The following CNTNAP2 variants were observed in gnomAD, a reference collection of about 807,000 sequenced individuals.
CNTNAP2 encodes the protein contactin associated protein 2, also known as contactin-associated protein-like 2.
A neutral mutation model predicts 155.2 loss-of-function variants in CNTNAP2; 98 were observed. That is an observed-to-expected ratio of 0.63 (90% CI 0.54 to 0.75). CNTNAP2 has a LOEUF of 0.75. Among genes scored for constraint, CNTNAP2 ranks in the 30% least tolerant of loss-of-function variants. The probability of loss-of-function intolerance (pLI) is 0.00; values close to 1 mark genes in which losing one functional copy is unlikely to be tolerated. For missense variants in CNTNAP2, 1,727 were observed against 1,688.1 expected (o/e 1.02, Z -0.40); for synonymous variants, 651 against 631.2 (o/e 1.03, Z -0.47).
In CNTNAP2 at chr7:147,903,679, A is replaced by G. The variant is rs768702207; in HGVS notation, c.2213A>G (p.Asp738Gly). The G allele has an allele frequency of 2.5e-6, 4 of 1,614,046 alleles. No individual in the cohort carries two copies. The highest frequency in any genetic ancestry group is 3.4e-6 in the Non-Finnish European group (4 of 1,179,976). Reference protein sequence around the residue: ...CACGIERNCTDPKYYCNCDAD... With the variant: ...CACGIERNCTGPKYYCNCDAD... ...TGCGGCATCGAACGCAACTGCACAG[A>G]TCCCAAGTACTACTGTAACTGCGAC... The change falls in exon 14 of 24, where the codon GAT becomes GGT. Residue 738 changes from aspartate (D) to glycine (G), a missense_variant. Transcript: ENST00000361727.
intron 1 of CNTNAP2, among the ~76,000 whole-genome samples, chr7:146,358,325 C>T (rs1382376534): frequency 6.6e-6 from 1 of 152,110 alleles, no homozygotes; most frequent in African/African-American, 2.4e-5. Context: ...TGAGCCACCT[C>T]GCCTGGCCTG....
intron 3 of CNTNAP2, among the ~76,000 whole-genome samples, chr7:146,849,525 C>T (rs1048787241): frequency 6.6e-6 from 1 of 152,164 alleles, no homozygotes; most frequent in Non-Finnish European, 1.5e-5. Context: ...TGGACCGGAC[C>T]TCAAATATCT....
At chr7:146,334,819 G>GC (rs141101859) in intron 1 of CNTNAP2, among the ~76,000 whole-genome samples, 3,409 of 152,218 alleles carry the variant, frequency 0.022, 149 homozygotes, top group African/African-American at 0.078. Context: ...ACCTGTTCAT[G>GC]CCCCACTTCA....
At chr7:146,711,328 T>C (rs1355254352) in intron 1 of CNTNAP2, among the ~76,000 whole-genome samples, 1 of 146,918 alleles carries the variant, frequency 6.8e-6, no homozygotes, top group Non-Finnish European at 1.5e-5. Flanking sequence ...GTATAATATA[T>C]GTACATATAT....
At chr7:147,492,313 A>G (rs1798624077) in intron 11 of CNTNAP2, among the ~76,000 whole-genome samples, 1 of 152,180 alleles carries the variant, frequency 6.6e-6, no homozygotes, top group Non-Finnish European at 1.5e-5. Flanking sequence ...TCAGGCGGGA[A>G]TGCCTGCCTC....
intron 3 of CNTNAP2, among the ~76,000 whole-genome samples, chr7:146,887,212 C>T (rs962831369): frequency 3.3e-5 from 5 of 151,942 alleles, no homozygotes; most frequent in Admixed American, 2.0e-4. Flanking sequence ...TACAATGGCG[C>T]GATCTTGGCT....
At chr7:146,561,517 G>A (rs1419799001) in intron 1 of CNTNAP2, among the ~76,000 whole-genome samples, 1 of 152,038 alleles carries the variant, frequency 6.6e-6, no homozygotes, top group African/African-American at 2.4e-5. Context: ...AAATTAGCAG[G>A]GCGTGGTGGC....
chr7:147,504,978 G>A (rs181531947), intron 11 of CNTNAP2, among the ~76,000 whole-genome samples: 119 of 151,960 alleles, frequency 7.8e-4, no homozygotes, highest in Non-Finnish European at 9.1e-4. Context: ...GCAAACTTTA[G>A]CAAGTGACAT....
chr7:147,035,839 A>G (rs959653834), intron 3 of CNTNAP2, among the ~76,000 whole-genome samples: 15 of 149,374 alleles, frequency 1.0e-4, no homozygotes, highest in African/African-American at 3.5e-4. Context: ...TTTGTGTTAC[A>G]CTTCAAACCC....
At chr7:146,399,743 A>G (rs1386359670) in intron 1 of CNTNAP2, among the ~76,000 whole-genome samples, 1 of 152,102 alleles carries the variant, frequency 6.6e-6, no homozygotes, top group Non-Finnish European at 1.5e-5. Context: ...ATGACTCCAT[A>G]TTGTTTACTG....
chr7:148,229,308 G>A (rs1321622371), intron 19 of CNTNAP2, among the ~76,000 whole-genome samples: 1 of 152,220 alleles, frequency 6.6e-6, no homozygotes, highest in East Asian at 1.9e-4. Flanking sequence ...CGGATAGCCT[G>A]AGGTCAGAAT....
At chr7:148,159,889 A>G (rs753929220) in intron 17 of CNTNAP2, among the ~76,000 whole-genome samples, 2 of 152,036 alleles carry the variant, frequency 1.3e-5, no homozygotes, top group African/African-American at 2.4e-5. Flanking sequence ...TATAATTTCC[A>G]TCTTTGTTCC....
At chr7:146,335,270 C>T (rs1233035518) in intron 1 of CNTNAP2, among the ~76,000 whole-genome samples, 2 of 152,080 alleles carry the variant, frequency 1.3e-5, no homozygotes, top group East Asian at 1.9e-4. Context: ...TGATATATAC[C>T]GTTTCTAAAA....
intron 12 of CNTNAP2, among the ~76,000 whole-genome samples, chr7:147,615,606 C>A (rs1224384938): frequency 6.6e-6 from 1 of 152,092 alleles, no homozygotes; most frequent in African/African-American, 2.4e-5. Flanking sequence ...TTTATTGGAT[C>A]ATTCTTATCA....
intron 9 of CNTNAP2, among the ~76,000 whole-genome samples, chr7:147,317,497 G>A (rs943707166): frequency 6.6e-6 from 1 of 152,156 alleles, no homozygotes; most frequent in Non-Finnish European, 1.5e-5. Flanking sequence ...CTAATAGAGT[G>A]TTATGCTGCC....
intron 11 of CNTNAP2, among the ~76,000 whole-genome samples, chr7:147,558,238 T>C (rs1799988472): frequency 6.6e-6 from 1 of 152,232 alleles, no homozygotes; most frequent in African/African-American, 2.4e-5. Context: ...CTTTTGACAT[T>C]ATGGTTTTGC....
At chr7:146,479,138 A>G (rs762687467) in intron 1 of CNTNAP2, among the ~76,000 whole-genome samples, 6 of 152,196 alleles carry the variant, frequency 3.9e-5, no homozygotes, top group Non-Finnish European at 8.8e-5. Context: ...GTCTGTGCCT[A>G]GGAAAACAGC....
At chr7:148,213,090 C>T (rs577691022) in intron 18 of CNTNAP2, among the ~76,000 whole-genome samples, 4 of 152,238 alleles carry the variant, frequency 2.6e-5, no homozygotes, top group Non-Finnish European at 4.4e-5. Flanking sequence ...CTCACCCAGG[C>T]GGGGACCACT....
chr7:148,214,912 G>T (rs984407457), intron 18 of CNTNAP2, among the ~76,000 whole-genome samples: 1 of 152,178 alleles, frequency 6.6e-6, no homozygotes, highest in Admixed American at 6.5e-5. Context: ...CACATTGCAG[G>T]ACATGCTGCT....
Sources: gnomAD v4.1 joint callset for allele counts (sites outside exome capture counted in the v4.1 genomes callset) on GRCh38, gnomAD v4.1.1 for gene constraint, MANE v1.5 for transcripts, NCBI Gene and HGNC (gene_info 2026-07-23, HGNC 2026-07-21) for gene names.